The following RBFOX2 variants were observed in gnomAD, a reference collection of about 807,000 sequenced individuals.
RBFOX2 encodes RNA binding protein fox-1 homolog 2.
A neutral mutation model predicts 49.1 loss-of-function variants in RBFOX2; 10 were observed. The ratio of observed to expected loss-of-function variants is 0.20; its 90% confidence interval spans 0.13 to 0.35. RBFOX2 has a LOEUF of 0.35. RBFOX2 is among the 10% of genes least tolerant of loss of function. The pLI is 1.00. For missense variants in RBFOX2, 323 were observed against 486.9 expected, an observed-to-expected ratio of 0.66 and a Z score of 3.17; for synonymous variants, 183 against 187.4, an observed-to-expected ratio of 0.98 and a Z score of 0.19.
At chr22:35,986,593 C>CA (rs1295918360) in intron 1 of RBFOX2, among the ~76,000 whole-genome samples, 1 of 152,160 alleles carries the variant, frequency 6.6e-6, no homozygotes, top group East Asian at 1.9e-4. Flanking sequence ...GGAAAAAGAA[C>CA]ATGCATATTT....
intron 1 of RBFOX2, among the ~76,000 whole-genome samples, chr22:35,864,517 C>A (rs1251580863): frequency 6.6e-6 from 1 of 152,168 alleles, no homozygotes; most frequent in Non-Finnish European, 1.5e-5. Context: ...GTTGCTGAAT[C>A]AATCAATAAA....
At chr22:35,987,985 T>A (rs996481228) in intron 1 of RBFOX2, among the ~76,000 whole-genome samples, 2 of 152,030 alleles carry the variant, frequency 1.3e-5, no homozygotes, top group African/African-American at 4.8e-5. Context: ...TTTGGTGAGG[T>A]TGGGGCAACA....
At chr22:35,805,277 G>A (rs561242096) in intron 2 of RBFOX2, among the ~76,000 whole-genome samples, 19 of 127,236 alleles carry the variant, frequency 1.5e-4, no homozygotes, top group African/African-American at 2.8e-4. Flanking sequence ...GCGACAGAGC[G>A]AGACTCCGTC....
chr22:35,898,688 A>G (rs1033875397), intron 1 of RBFOX2, among the ~76,000 whole-genome samples: 3 of 151,726 alleles, frequency 2.0e-5, no homozygotes, highest in Non-Finnish European at 4.4e-5. Flanking sequence ...TGGGCCTCCC[A>G]AAGTGTGGGA....
chr22:35,933,741 A>T (rs1172178746), intron 1 of RBFOX2, among the ~76,000 whole-genome samples: 1 of 151,946 alleles, frequency 6.6e-6, no homozygotes, highest in Non-Finnish European at 1.5e-5. Context: ...CCAGTTCCCA[A>T]GTCTAATAAA....
chr22:36,016,641 C>T (rs2059047408), intron 1 of RBFOX2, among the ~76,000 whole-genome samples: 1 of 152,198 alleles, frequency 6.6e-6, no homozygotes, highest in African/African-American at 2.4e-5. Flanking sequence ...GGACCTAAGT[C>T]CCTAAGAAAA....
chr22:35,979,168 G>C (rs1042853778), intron 1 of RBFOX2, among the ~76,000 whole-genome samples: 6 of 152,170 alleles, frequency 3.9e-5, no homozygotes, highest in African/African-American at 1.4e-4. Flanking sequence ...CTGCTGTCAT[G>C]AAGAAACAGA....
At chr22:35,963,740 T>G (rs1569514020), upstream of RBFOX2, among the ~76,000 whole-genome samples, 1 of 152,096 alleles carries the variant, frequency 6.6e-6, no homozygotes, top group African/African-American at 2.4e-5. Flanking sequence ...ATATATTCTT[T>G]TTGTTGTTGT....
At chr22:35,779,364 A>G (rs903827854) in intron 3 of RBFOX2, among the ~76,000 whole-genome samples, 9 of 152,218 alleles carry the variant, frequency 5.9e-5, no homozygotes, top group Non-Finnish European at 1.2e-4. Flanking sequence ...AATGTGAAAA[A>G]AAACTGAAAA....
At chr22:36,010,688 T>C (rs2058785627) in intron 1 of RBFOX2, among the ~76,000 whole-genome samples, 1 of 151,710 alleles carries the variant, frequency 6.6e-6, no homozygotes, top group African/African-American at 2.4e-5. Context: ...CTAAGTTTGA[T>C]ATCATTAACT....
At chr22:35,816,253 GT>G (rs897399198) in intron 1 of RBFOX2, among the ~76,000 whole-genome samples, 1 of 151,882 alleles carries the variant, frequency 6.6e-6, no homozygotes, top group Non-Finnish European at 1.5e-5. Context: ...AAATATTCTC[GT>G]TTTTTGTTTT....
intron 8 of RBFOX2, 81 bp downstream of exon 9, chr22:35,761,121 G>A: frequency 8.1e-7 from 1 of 1,236,168 alleles, no homozygotes; most frequent in East Asian, 2.3e-5. Flanking sequence ...GTTATGTACT[G>A]TACTAGGAAA....
At chr22:35,976,336 ACCC>A (rs144627809) in intron 1 of RBFOX2, among the ~76,000 whole-genome samples, 3,827 of 145,784 alleles carry the variant, frequency 0.026, 164 homozygotes, top group African/African-American at 0.09. Context: ...CACCACCACC[ACCC>A]CCCCCTCTTA....
At chr22:35,789,100 G>A (rs749623059) in intron 2 of RBFOX2, among the ~76,000 whole-genome samples, 4 of 152,112 alleles carry the variant, frequency 2.6e-5, no homozygotes, top group Non-Finnish European at 4.4e-5. Context: ...AACCCATAAT[G>A]TAATACCCAC....
At chr22:35,979,167 T>C (rs1360333948) in intron 1 of RBFOX2, among the ~76,000 whole-genome samples, 1 of 152,092 alleles carries the variant, frequency 6.6e-6, no homozygotes, top group Non-Finnish European at 1.5e-5. Flanking sequence ...ACTGCTGTCA[T>C]GAAGAAACAG....
chr22:35,830,366 G>C (rs1302592859), intron 1 of RBFOX2, among the ~76,000 whole-genome samples: 1 of 152,188 alleles, frequency 6.6e-6, no homozygotes, highest in Non-Finnish European at 1.5e-5. Context: ...TTCTGAAGTA[G>C]GTGAAGTCTA....
At chr22:35,915,722 T>G (rs5750200) in intron 1 of RBFOX2, among the ~76,000 whole-genome samples, 12,063 of 152,162 alleles carry the variant, frequency 0.079, 499 homozygotes, top group African/African-American at 0.09. Flanking sequence ...AACCAGTACA[T>G]GAATCAGCTC....
intron 5 of RBFOX2, among the ~76,000 whole-genome samples, chr22:35,767,597 G>A (rs1602393168): frequency 2.0e-5 from 3 of 152,150 alleles, no homozygotes; most frequent in South Asian, 2.1e-4. Flanking sequence ...AATACCAGGC[G>A]GTAGACTTGG....
exon 12 of RBFOX2, chr22:35,742,128 T>C (rs1015657449): frequency 6.6e-6 from 1 of 152,206 alleles, no homozygotes; most frequent in Non-Finnish European, 1.5e-5. Context: ...AAAAATTGTC[T>C]TAACAGCAAC....
Sources: allele counts gnomAD v4.1 joint callset (sites outside exome capture counted in the v4.1 genomes callset), GRCh38; gene constraint gnomAD v4.1.1; transcripts MANE v1.5; gene names NCBI Gene and HGNC (gene_info 2026-07-23, HGNC 2026-07-21).